Variants in SHANK2 observed in about 807,000 individuals in gnomAD.
SHANK2 encodes the protein SH3 and multiple ankyrin repeat domains 2, also known as SH3 and multiple ankyrin repeat domains protein 2.
In SHANK2, 43 loss-of-function variants were observed where a neutral mutation model predicts 133.7. The ratio of observed to expected loss-of-function variants is 0.32; its 90% confidence interval spans 0.25 to 0.41. SHANK2 has a LOEUF of 0.41. Ranked by LOEUF, SHANK2 falls within the 10% of genes least tolerant of loss-of-function variation. The pLI is 1.00. For missense variants in SHANK2, 1,994 were observed against 2,235.8 expected (o/e 0.89, Z 2.18); for synonymous variants, 1,017 against 952.8 (o/e 1.07, Z -1.24).
At chr11:70,646,845 A>AT (rs782539308) in intron 17 of SHANK2, among the ~76,000 whole-genome samples, 1 of 147,746 alleles carries the variant, frequency 6.8e-6, no homozygotes, top group Non-Finnish European at 1.5e-5. Context: ...TTATTTATTT[A>AT]TTTATTTATT....
chr11:70,756,486 A>C (rs987043513), intron 14 of SHANK2, among the ~76,000 whole-genome samples: 4 of 152,166 alleles, frequency 2.6e-5, no homozygotes, highest in Admixed American at 6.5e-5. Context: ...ACCCTCTCCC[A>C]GAACAGGCAT....
intron 2 of SHANK2, among the ~76,000 whole-genome samples, chr11:71,158,002 G>T (rs1183066718): frequency 1.3e-5 from 2 of 152,138 alleles, no homozygotes; most frequent in African/African-American, 4.8e-5. Context: ...AGCCTGGGGG[G>T]ACACAAACCA....
chr11:70,481,259 C>T (rs1164131720), intron 25 of SHANK2, among the ~76,000 whole-genome samples: 1 of 152,214 alleles, frequency 6.6e-6, no homozygotes, highest in Non-Finnish European at 1.5e-5. Flanking sequence ...ATCTTCCTTT[C>T]GTCGGCGTAT....
chr11:71,119,098 C>T (rs547463526), intron 3 of SHANK2, 66 bp from the exon 4 acceptor site: 138 of 1,441,704 alleles, frequency 9.6e-5, no homozygotes, highest in Non-Finnish European at 1.2e-4. Context: ...CCATGTGGGG[C>T]GCGTGGTCAG....
intron 11 of SHANK2, among the ~76,000 whole-genome samples, chr11:70,833,651 G>A (rs1397573929): frequency 2.0e-5 from 3 of 152,256 alleles, no homozygotes; most frequent in Non-Finnish European, 2.9e-5. Context: ...CTGCTCAGGG[G>A]GTTAAGTGCA....
intron 11 of SHANK2, among the ~76,000 whole-genome samples, chr11:70,868,587 G>C (rs1213871615): frequency 2.0e-5 from 3 of 152,190 alleles, no homozygotes; most frequent in Non-Finnish European, 4.4e-5. Context: ...AAGAAGGTGG[G>C]TTCCAGAGTC....
At chr11:70,863,155 AT>A in intron 11 of SHANK2, 1 of 360,368 alleles carries the variant, frequency 2.8e-6, no homozygotes, top group South Asian at 2.0e-5. Context: ...AATCTCAAAA[AT>A]AATTTGTAGG....
intron 14 of SHANK2, among the ~76,000 whole-genome samples, chr11:70,735,320 G>A (rs961889618): frequency 6.6e-6 from 1 of 152,182 alleles, no homozygotes; most frequent in Admixed American, 6.5e-5. Context: ...TCGGGGAGGA[G>A]GGATGTGCAG....
At chr11:70,583,105 G>A (rs541831415) in intron 17 of SHANK2, among the ~76,000 whole-genome samples, 18 of 152,316 alleles carry the variant, frequency 1.2e-4, no homozygotes, top group African/African-American at 4.3e-4. Context: ...TGGCCCTGGG[G>A]CAGGGGCACT....
intron 2 of SHANK2, among the ~76,000 whole-genome samples, chr11:71,193,339 G>GTGTGTGCATGCACACATACATGTATA (rs1346669911): frequency 1.3e-5 from 2 of 152,108 alleles, no homozygotes; most frequent in East Asian, 1.9e-4. Context: ...GTGGGAGTGT[G>GTGTGTGCATGCACACATACATGTATA]TGTGTGCATG....
chr11:70,952,759 C>A (rs1555086945), intron 10 of SHANK2: 4 of 429,580 alleles, frequency 9.3e-6, no homozygotes, highest in South Asian at 6.7e-5. Context: ...TCCGGGGGGG[C>A]CTGAGCAGCA....
intron 17 of SHANK2, among the ~76,000 whole-genome samples, chr11:70,547,869 C>T (rs2059714539): frequency 6.6e-6 from 1 of 152,184 alleles, no homozygotes; most frequent in Non-Finnish European, 1.5e-5. Context: ...CTTGGCAAGC[C>T]CCTGCAAGCC....
chr11:70,735,132 ACT>A (rs2134754786), intron 14 of SHANK2, among the ~76,000 whole-genome samples: 1 of 152,112 alleles, frequency 6.6e-6, no homozygotes, highest in East Asian at 1.9e-4. Context: ...GGTTTTCGGG[ACT>A]CTGCCCAATC....
chr11:71,225,128 G>A (rs1448596657), intron 1 of SHANK2, among the ~76,000 whole-genome samples: 1 of 152,180 alleles, frequency 6.6e-6, no homozygotes, highest in African/African-American at 2.4e-5. Flanking sequence ...AAGCCAACAG[G>A]AGCAGGAACA....
rs1200487496 is a variant in SHANK2, at chr11:70,882,753, C to T, written c.1174+13748G>A. Among the ~76,000 whole-genome samples the T allele has an allele frequency of 1.3e-5, 2 of 152,216 alleles. No homozygotes were observed. The highest frequency in any genetic ancestry group is 1.3e-4 in the Admixed American group (2 of 15,280). ...CTTATCCTCATGTCCACAGGAAAGG[C>T]CACCTCTGTGCCATCTGTCCACGCT... is the stretch of plus-strand genomic sequence containing the variant. On this transcript the variant is annotated intron_variant, in intron 11 of 25. Coordinates refer to ENST00000601538, the MANE Select transcript of SHANK2 (RefSeq NM_012309.5). This position sits in a 1 kb window ranked among gnomAD's most constrained non-coding sequence, Gnocchi z 4.2.
chr11:71,163,093 A>AAAAACATATATATATATATATAT, intron 2 of SHANK2, among the ~76,000 whole-genome samples: 3 of 84,708 alleles, frequency 3.5e-5, no homozygotes, highest in African/African-American at 1.4e-4. Context: ...AAAAAAAAAA[A>AAAAACATATATATATATATATAT]ATACATATAT....
rs145881119 is a variant in SHANK2 at position 70,898,258 on chromosome 11, G to A, written c.1108-1691C>T. Among the ~76,000 whole-genome samples, 53 of 140,366 alleles carry A rather than the reference G, an allele frequency of 3.8e-4. 1 individual carries two copies. In the East Asian group the frequency reaches 0.01, roughly 27 times the overall value. The allele number at this position is 140,366 out of a possible 152,430, so 92.1% of individuals were successfully genotyped here. On this transcript the variant is annotated intron_variant, in intron 10 of 25. Coordinates refer to ENST00000601538, the MANE Select transcript of SHANK2 (RefSeq NM_012309.5). ...TGAGATTACAGGCATGAGCCACTGT[G>A]CCTGGCCAAATATATACACACACGC...
At chr11:70,675,871 C>A (rs1384099044) in intron 15 of SHANK2, among the ~76,000 whole-genome samples, 1 of 152,190 alleles carries the variant, frequency 6.6e-6, no homozygotes, top group Admixed American at 6.5e-5. Context: ...GGTGCAGGAA[C>A]ATCTGGATAA....
chr11:70,735,875 G>C (rs1007779863), intron 14 of SHANK2, among the ~76,000 whole-genome samples: 4 of 151,818 alleles, frequency 2.6e-5, no homozygotes, highest in Admixed American at 6.6e-5. Context: ...GTGGCTGCGT[G>C]GTCATGCTCT....
Sources: gnomAD v4.1 joint callset for allele counts (sites outside exome capture counted in the v4.1 genomes callset) on GRCh38, gnomAD v4.1.1 for gene constraint, Gnocchi (gnomAD v3.1) non-coding constraint, MANE v1.5 for transcripts, NCBI Gene and HGNC (gene_info 2026-07-23, HGNC 2026-07-21) for gene names.